RAB20: variants seen among roughly 807,000 people sequenced by gnomAD.
RAB20 encodes the protein RAB20, member RAS oncogene family.
In RAB20, 2 loss-of-function variants were observed where a neutral mutation model predicts 3.7. The ratio of observed to expected loss-of-function variants is 0.54; its 90% confidence interval spans 0.22 to 1.69. The LOEUF is 1.69. RAB20 is among the 40% of genes most tolerant of loss of function. RAB20 has a pLI of 0.19. For synonymous variants in RAB20, 126 were observed against 130.8 expected (o/e 0.96, Z 0.25); for missense variants, 276 against 311.9 (o/e 0.88, Z 0.87).
In RAB20 at chr13:110,544,103, G is replaced by A. The variant is rs183912401; in HGVS notation, c.172+17245C>T. Among the ~76,000 whole-genome samples the A allele has an allele frequency of 2.2e-4, 33 of 152,230 alleles. No individual in the cohort carries two copies. The East Asian group carries it at 3.5e-3, about 16-fold the overall frequency. On this transcript the variant is annotated intron_variant, in intron 1 of 1. Coordinates refer to ENST00000267328, the MANE Select transcript of RAB20 (RefSeq NM_017817.3). ...TGGTGTGAGACAAGGGTCTGGTTTC[G>A]TTGTGCATATGGATATCCAGTTTCC... is the stretch of plus-strand genomic sequence containing the variant.
intron 1 of RAB20, among the ~76,000 whole-genome samples, chr13:110,560,185 G>A (rs1885105905): frequency 6.6e-6 from 1 of 152,144 alleles, no homozygotes; most frequent in South Asian, 2.1e-4. Context: ...GCAGCCTGAG[G>A]CAGAAGACAG....
At chr13:110,557,406 A>G (rs1407461503) in intron 1 of RAB20, among the ~76,000 whole-genome samples, 2 of 152,252 alleles carry the variant, frequency 1.3e-5, no homozygotes, top group Non-Finnish European at 2.9e-5. Context: ...GGAAGTCCTC[A>G]GTCAGGCAGA....
At chr13:110,550,200 G>A (rs1253148074) in intron 1 of RAB20, among the ~76,000 whole-genome samples, 2 of 152,068 alleles carry the variant, frequency 1.3e-5, no homozygotes, top group African/African-American at 4.8e-5. Context: ...CAACTCTGTG[G>A]CACCCCAACT....
chr13:110,523,887 G>A lies in RAB20; in HGVS notation c.483C>T (p.Ile161=), dbSNP rs1025560705. The A allele has an allele frequency of 3.1e-6, 5 of 1,614,050 alleles. No individual in the cohort carries two copies. The African/African-American group carries it at 5.3e-5, about 17-fold the overall frequency. Residue 161 remains isoleucine (I), a synonymous_variant, in exon 2 of 2, where the codon ATC becomes ATT. Coordinates refer to ENST00000267328, the MANE Select transcript of RAB20 (RefSeq NM_017817.3). Reference sequence around the variant, plus strand: ...GCTCATCCAGCATCTTGTACTTGAGGATCTTTTTATAAAGGGCCACCGCAT... The same window carrying A: ...GCTCATCCAGCATCTTGTACTTGAGAATCTTTTTATAAAGGGCCACCGCAT... The part of the protein sequence containing the change: ...LEDAVALYKK[I]LKYKMLDEQD...
At chr13:110,557,614 C>T (rs1885060500) in intron 1 of RAB20, among the ~76,000 whole-genome samples, 1 of 152,234 alleles carries the variant, frequency 6.6e-6, no homozygotes, top group Non-Finnish European at 1.5e-5. Flanking sequence ...CTCCCACAGA[C>T]GTGCATCCAT....
chr13:110,541,312 A>G (rs546366048), intron 1 of RAB20, among the ~76,000 whole-genome samples: 1 of 152,344 alleles, frequency 6.6e-6, no homozygotes, highest in South Asian at 2.1e-4. Context: ...AGAGTTAATC[A>G]GATTTGGAAT....
At chr13:110,538,614 A>AAAAG (rs1566586860) in intron 1 of RAB20, among the ~76,000 whole-genome samples, 12 of 133,558 alleles carry the variant, frequency 9.0e-5, no homozygotes, top group South Asian at 2.3e-4. Context: ...AAAAAAAAAA[A>AAAAG]AAAAGAAAGA....
chr13:110,536,929 C>G (rs1354261577), intron 1 of RAB20, among the ~76,000 whole-genome samples: 2 of 94,828 alleles, frequency 2.1e-5, no homozygotes, highest in Admixed American at 2.5e-4. Flanking sequence ...TCCCTCCCCC[C>G]TCCCCCCACC....
chr13:110,524,172 G>T lies in RAB20; in HGVS notation c.198C>A (p.Gly66=), dbSNP rs375814. 568,414 of 1,599,482 alleles carry T rather than the reference G, an allele frequency of 0.36. 102,232 individuals are homozygous for T. Among genetic ancestry groups the T allele is most frequent in the African/African-American group, 0.46 (34,087 of 74,908 alleles). ...CGGCCGCCCCCCGGCAGTACATGGA[G>T]CCCAGGCCGTGGAACTGCTCCCGCC... ...TAGREQFHGL[G]SMYCRGAAAI... The change falls in exon 2 of 2, where the codon GGC becomes GGA. Residue 66 remains glycine (G), a synonymous_variant. Transcript: ENST00000267328.
rs1387786309 is a variant in RAB20, at chr13:110,529,618, C to T, written c.173-5421G>A. Among the ~76,000 whole-genome samples the T allele has an allele frequency of 2.0e-5, 3 of 152,200 alleles. No individual in the cohort carries two copies. In the South Asian group the frequency reaches 6.2e-4, roughly 31 times the overall value. ...TTGGTTCAAATTCAACCAATGCAGC[C>T]AAGGGTCAGTGAGCTGCCAACCCTG... On this transcript the variant is annotated intron_variant, in intron 1 of 1. Transcript: ENST00000267328.
rs1884847766 is a variant in RAB20, at chr13:110,546,267, G to A, written c.172+15081C>T. 2.0e-5 allele frequency among the ~76,000 whole-genome samples: 3 copies of A among 152,284 alleles called. No individual in the cohort carries two copies. The South Asian group carries it at 6.2e-4, about 32-fold the overall frequency. On this transcript the variant is annotated intron_variant, in intron 1 of 1. Coordinates refer to ENST00000267328, the MANE Select transcript of RAB20 (RefSeq NM_017817.3). ...CTTCATAACTGTCCCTGGAAATAAG[G>A]TTTATTACTACAGTTTTAAGAAGAC... is the stretch of plus-strand genomic sequence containing the variant.
At chr13:110,526,275 C>T (rs901915726) in intron 1 of RAB20, among the ~76,000 whole-genome samples, 3 of 152,242 alleles carry the variant, frequency 2.0e-5, no homozygotes, top group South Asian at 4.1e-4. Flanking sequence ...GGGGCACTGG[C>T]GCAGAGAGAG....
chr13:110,548,995 G>C (rs900693210), intron 1 of RAB20, among the ~76,000 whole-genome samples: 1 of 152,210 alleles, frequency 6.6e-6, no homozygotes, highest in Non-Finnish European at 1.5e-5. Context: ...GCCTGAACAT[G>C]TGTGTGATGA....
At chr13:110,524,476 C>T (rs1722456375) in intron 1 of RAB20, among the ~76,000 whole-genome samples, 1 of 152,178 alleles carries the variant, frequency 6.6e-6, no homozygotes, top group Non-Finnish European at 1.5e-5. Context: ...TCACACAGCC[C>T]TCCCTGCCTT....
At position 110,561,495 on chromosome 13, in the gene RAB20, C is replaced by T. The variant is rs1264737337; in HGVS notation, c.25G>A (p.Val9Met). 6.3e-7 allele frequency: 1 copy of T among 1,588,066 alleles called. No individual in the cohort carries two copies. The highest frequency in any genetic ancestry group is 1.7e-5 in the Admixed American group (1 of 57,438). Residue 9 changes from valine to methionine, a missense_variant, in exon 1 of 2, where the codon GTG becomes ATG. By Grantham distance (21) the Val-to-Met change is conservative. Transcript: ENST00000267328. MRKPDSKI[V>M]LLGDMNVGKT... ...CCCACGTTCATGTCCCCCAGGAGCACGATCTTGCTGTCGGGCTTCCTCATC... is the reference window on the plus strand; with the variant it reads ...CCCACGTTCATGTCCCCCAGGAGCATGATCTTGCTGTCGGGCTTCCTCATC...
intron 1 of RAB20, among the ~76,000 whole-genome samples, chr13:110,550,929 A>G (rs1884941923): frequency 6.6e-6 from 1 of 152,208 alleles, no homozygotes; most frequent in South Asian, 2.1e-4. Context: ...TTAATGTCCC[A>G]GACCCACAGT....
chr13:110,551,324 T>A (rs753466431), intron 1 of RAB20, among the ~76,000 whole-genome samples: 16 of 152,174 alleles, frequency 1.1e-4, no homozygotes, highest in Non-Finnish European at 2.4e-4. Context: ...CACTGAAAGA[T>A]GGGATAAAAT....
rs772139984 is a variant in RAB20, at chr13:110,561,643, C to A, written c.-124G>T. The stretch of plus-strand genomic sequence containing the variant: ...GGGACCCGGATTCTCGTGAACGCTC[C>A]GGGACCTTCGCCTCCGGACGCCCGG... On this transcript the variant is annotated 5_prime_UTR_variant, in exon 1 of 2. Coordinates refer to ENST00000267328, the MANE Select transcript of RAB20 (RefSeq NM_017817.3). The A allele has an allele frequency of 2.6e-5, 37 of 1,418,298 alleles. No individual in the cohort carries two copies. The highest frequency in any genetic ancestry group is 3.2e-5 in the Non-Finnish European group (35 of 1,083,816). 87.9% of individuals were successfully genotyped at this position (1,418,298 alleles called of 1,614,324 possible).
intron 1 of RAB20, among the ~76,000 whole-genome samples, chr13:110,549,517 T>C (rs1884912971): frequency 6.6e-6 from 1 of 152,210 alleles, no homozygotes; most frequent in African/African-American, 2.4e-5. Flanking sequence ...AACAAAATCT[T>C]TCTCTCTGAC....
Sources: allele counts gnomAD v4.1 joint callset (sites outside exome capture counted in the v4.1 genomes callset), GRCh38; gene constraint gnomAD v4.1.1; transcripts MANE v1.5; gene names NCBI Gene and HGNC (gene_info 2026-07-23, HGNC 2026-07-21).